The following BICC1 variants were observed in gnomAD, a reference collection of about 807,000 sequenced individuals.
BICC1 encodes the protein BicC family RNA binding protein 1, also known as protein bicaudal C homolog 1.
BICC1 carries 43 observed loss-of-function variants against 111.0 expected under a neutral mutation model. The observed-to-expected ratio is 0.39, with a 90% CI of 0.30 to 0.50. The LOEUF (loss-of-function observed/expected upper bound fraction) is 0.50, where lower values mean the gene tolerates loss of function less well. BICC1 is among the 20% of genes least tolerant of loss of function. The pLI, the probability that BICC1 is intolerant of heterozygous loss-of-function variation, is 0.88. For missense variants in BICC1, 1,091 were observed against 1,203.2 expected (o/e 0.91, Z 1.38); for synonymous variants, 467 against 434.4 (o/e 1.07, Z -0.93).
intron 2 of BICC1, among the ~76,000 whole-genome samples, chr10:58,642,363 TATTAAA>T (rs1376363776): frequency 2.0e-5 from 3 of 152,064 alleles, no homozygotes; most frequent in Non-Finnish European, 4.4e-5. Context: ...CTGAAATGTT[TATTAAA>T]TCTCTATGTG....
intron 1 of BICC1, among the ~76,000 whole-genome samples, chr10:58,584,626 G>A (rs1382322714): frequency 2.0e-5 from 3 of 152,152 alleles, no homozygotes; most frequent in African/African-American, 7.2e-5. Flanking sequence ...GTACAATAAT[G>A]TATATCTATC....
intron 1 of BICC1, among the ~76,000 whole-genome samples, chr10:58,564,567 C>A (rs1589102421): frequency 6.6e-6 from 1 of 152,142 alleles, no homozygotes; most frequent in East Asian, 1.9e-4. Context: ...TACCTTTTCC[C>A]CTTGGACATG....
At chr10:58,827,883 AC>A (rs1226319712) in intron 20 of BICC1, among the ~76,000 whole-genome samples, 1 of 152,166 alleles carries the variant, frequency 6.6e-6, no homozygotes, top group East Asian at 1.9e-4. Flanking sequence ...AGCAAGAGCA[AC>A]CCCTTCTCCT....
At chr10:58,542,163 AAAAC>A (rs1843004790) in intron 1 of BICC1, among the ~76,000 whole-genome samples, 1 of 147,172 alleles carries the variant, frequency 6.8e-6, no homozygotes, top group Non-Finnish European at 1.5e-5. Flanking sequence ...AAAAAAAAAA[AAAAC>A]AAAAAAAAAA....
chr10:58,583,582 CTCTGTGTGTGTG>C (rs921008640), intron 1 of BICC1, among the ~76,000 whole-genome samples: 8 of 69,554 alleles, frequency 1.2e-4, no homozygotes, highest in African/African-American at 3.8e-4. Flanking sequence ...TATTCTCTCT[CTCTGTGTGTGTG>C]TGTGTGTGTG....
intron 2 of BICC1, among the ~76,000 whole-genome samples, chr10:58,647,853 C>T (rs370637900): frequency 1.3e-5 from 2 of 151,916 alleles, no homozygotes; most frequent in African/African-American, 2.4e-5. Flanking sequence ...GAATTTTTCT[C>T]CAGCTTCCTT....
intron 3 of BICC1, among the ~76,000 whole-genome samples, chr10:58,772,621 T>C (rs1341622303): frequency 6.6e-6 from 1 of 152,160 alleles, no homozygotes; most frequent in Non-Finnish European, 1.5e-5. Flanking sequence ...GACTTAGCTT[T>C]CTTAGCCTTT....
chr10:58,530,936 G>T (rs912263869), intron 1 of BICC1, among the ~76,000 whole-genome samples: 1 of 151,768 alleles, frequency 6.6e-6, no homozygotes, highest in Middle Eastern at 3.2e-3. Flanking sequence ...GAGAAGGCCA[G>T]AAATCACTTA....
chr10:58,564,281 G>C (rs1307845581), intron 1 of BICC1, among the ~76,000 whole-genome samples: 1 of 152,130 alleles, frequency 6.6e-6, no homozygotes, highest in Non-Finnish European at 1.5e-5. Context: ...GTCCATAAAT[G>C]AGAAAATGGT....
intron 3 of BICC1, among the ~76,000 whole-genome samples, chr10:58,784,279 T>C (rs781603768): frequency 7.2e-5 from 11 of 152,320 alleles, no homozygotes; most frequent in Middle Eastern, 6.8e-3. Flanking sequence ...CAGTGCCTGG[T>C]ACATAGTAGA....
At chr10:58,630,096 CAG>C (rs1837747426) in intron 2 of BICC1, among the ~76,000 whole-genome samples, 1 of 152,188 alleles carries the variant, frequency 6.6e-6, no homozygotes. Context: ...CTTCTCTATA[CAG>C]TGTACGTGAC....
At chr10:58,658,989 A>AAT in intron 2 of BICC1, among the ~76,000 whole-genome samples, 1 of 4,116 alleles carries the variant, frequency 2.4e-4, no homozygotes, top group Middle Eastern at 0.25. Flanking sequence ...CATGTGTATG[A>AAT]ATGTGTGTAT....
intron 1 of BICC1, among the ~76,000 whole-genome samples, chr10:58,559,485 C>A (rs940136603): frequency 3.9e-5 from 6 of 151,968 alleles, no homozygotes; most frequent in Non-Finnish European, 7.4e-5. Flanking sequence ...TTTATCAGTT[C>A]TAAGAATTGG....
At chr10:58,823,133 C>A in intron 20 of BICC1, 1 of 540,430 alleles carries the variant, frequency 1.9e-6, no homozygotes, top group Non-Finnish European at 2.4e-6. Flanking sequence ...GTCAAATGTA[C>A]AGGGACTCAG....
chr10:58,675,622 G>A (rs906377175), intron 2 of BICC1, among the ~76,000 whole-genome samples: 2 of 152,110 alleles, frequency 1.3e-5, no homozygotes, highest in African/African-American at 2.4e-5. Context: ...TGGAGGAAAC[G>A]GTGAAATTTG....
chr10:58,556,238 T>C (rs1843446215), intron 1 of BICC1, among the ~76,000 whole-genome samples: 1 of 152,124 alleles, frequency 6.6e-6, no homozygotes, highest in African/African-American at 2.4e-5. Flanking sequence ...TAGAGAAAGG[T>C]AAATTCTACT....
intron 2 of BICC1, among the ~76,000 whole-genome samples, chr10:58,621,705 A>G (rs934448983): frequency 6.6e-6 from 1 of 151,958 alleles, no homozygotes; most frequent in African/African-American, 2.4e-5. Flanking sequence ...CAGGAGTTTG[A>G]GACCAGCCTG....
intron 2 of BICC1, among the ~76,000 whole-genome samples, chr10:58,640,106 T>C (rs1479833489): frequency 6.6e-6 from 1 of 152,196 alleles, no homozygotes; most frequent in Non-Finnish European, 1.5e-5. Context: ...TTACTTTTTA[T>C]TCTTTTTTTT....
At chr10:58,551,287 A>G (rs1843289259) in intron 1 of BICC1, among the ~76,000 whole-genome samples, 2 of 152,188 alleles carry the variant, frequency 1.3e-5, no homozygotes, top group African/African-American at 4.8e-5. Context: ...AGGTTATTAT[A>G]CAAAGGTGAA....
Sources: gnomAD v4.1 joint callset for allele counts (sites outside exome capture counted in the v4.1 genomes callset) on GRCh38, gnomAD v4.1.1 for gene constraint, MANE v1.5 for transcripts, NCBI Gene and HGNC (gene_info 2026-07-23, HGNC 2026-07-21) for gene names.